The following RPS6KA1 variants were observed in gnomAD, a reference collection of about 807,000 sequenced individuals.
RPS6KA1 encodes the protein ribosomal protein S6 kinase alpha-1.
Under a neutral mutation model 91.3 loss-of-function variants are expected in RPS6KA1, and 48 were observed. That is an observed-to-expected ratio of 0.53 (90% CI 0.42 to 0.67). The LOEUF (loss-of-function observed/expected upper bound fraction) is 0.67, where lower values mean the gene tolerates loss of function less well. Ranked by LOEUF, RPS6KA1 falls within the 30% of genes least tolerant of loss-of-function variation. RPS6KA1 has a pLI of 0.00. For synonymous variants in RPS6KA1, 359 were observed against 384.7 expected (o/e 0.93, Z 0.78); for missense variants, 719 against 960.5 (o/e 0.75, Z 3.32).
intron 2 of RPS6KA1, chr1:26,543,057 GAGA>G (rs1299303965): frequency 8.0e-7 from 1 of 1,257,276 alleles, no homozygotes; most frequent in Admixed American, 2.1e-5. Flanking sequence ...AGGGGGAAGT[GAGA>G]AGGAGGGGGG....
Position 26,555,194 on chromosome 1 carries a change from G to A in RPS6KA1, c.800G>A (p.Arg267Gln), listed in dbSNP as rs2076089033. 5 of 1,614,018 alleles carry A rather than the reference G, an allele frequency of 3.1e-6. No homozygotes were observed. Among genetic ancestry groups the A allele is most frequent in the East Asian group, 2.2e-5 (1 of 44,896 alleles). The change falls in exon 10 of 22, where the codon CGG becomes CAG. Residue 267 changes from arginine (R) to glutamine (Q), a missense_variant. Arg to Gln is a conservative substitution (Grantham distance 43). Coordinates refer to ENST00000374168, the MANE Select transcript of RPS6KA1 (RefSeq NM_002953.4). This position sits in a 1 kb window ranked among gnomAD's most constrained non-coding sequence, Gnocchi z 4.3. The part of the protein sequence containing the change: ...TGSLPFQGKD[R>Q]KETMTLILKA... ...TCCCTGCCCTTCCAGGGGAAGGACC[G>A]GAAGGAGACCATGACACTGATTCTG... is the stretch of plus-strand genomic sequence containing the variant.
chr1:26,541,049 C>G (rs1394384325), intron 2 of RPS6KA1, among the ~76,000 whole-genome samples: 2 of 152,000 alleles, frequency 1.3e-5, no homozygotes, highest in African/African-American at 4.8e-5. Context: ...CTCGGTCTCC[C>G]AAAGTGCTGG....
intron 1 of RPS6KA1, among the ~76,000 whole-genome samples, chr1:26,531,761 G>T (rs1368302789): frequency 6.6e-6 from 1 of 152,186 alleles, no homozygotes; most frequent in Non-Finnish European, 1.5e-5. Context: ...TTCTCCAGTG[G>T]CAAGTGCTAG....
intron 2 of RPS6KA1, among the ~76,000 whole-genome samples, chr1:26,538,772 C>T (rs1361597335): frequency 1.3e-5 from 2 of 152,152 alleles, no homozygotes; most frequent in Non-Finnish European, 2.9e-5. Context: ...AGAGGAGGAG[C>T]ACTGGCTTTC....
chr1:26,542,065 G>GT (rs2075953313), intron 2 of RPS6KA1, among the ~76,000 whole-genome samples: 1 of 152,234 alleles, frequency 6.6e-6, no homozygotes, highest in Non-Finnish European at 1.5e-5. Flanking sequence ...TTCTGAGACT[G>GT]TTTCCTTCCT....
At chr1:26,560,904 C>A in intron 15 of RPS6KA1, 53 bp downstream of exon 15, 1 of 1,612,776 alleles carries the variant, frequency 6.2e-7, no homozygotes, top group Non-Finnish European at 8.5e-7. Context: ...GGGCAGGTCC[C>A]CGTCTGGTGG....
Position 26,551,304 on chromosome 1 carries a change from G to T in RPS6KA1, c.308-93G>T. 2 of 1,124,212 alleles carry T rather than the reference G, an allele frequency of 1.8e-6. No individual in the cohort carries two copies. The highest frequency in any genetic ancestry group is 2.7e-6 in the Non-Finnish European group (2 of 746,584). The allele number at this position is 1,124,212 out of a possible 1,614,324, so 69.6% of individuals were successfully genotyped here. A position where few individuals can be genotyped will look rare whatever the true frequency, so the allele number is the denominator to read the frequency against. On this transcript the variant is annotated intron_variant, in intron 4 of 21. Transcript: ENST00000374168. This position sits in a 1 kb window ranked among gnomAD's most constrained non-coding sequence, Gnocchi z 4.5. ...GGGGCTTTGGGAGCTCAGGCCTGGA[G>T]GAACAAGTGGAAAAGAGATCCCTTA... is the stretch of plus-strand genomic sequence containing the variant.
intron 14 of RPS6KA1, 92 bp downstream of exon 14, chr1:26,559,029 C>T (rs1210797757): frequency 6.8e-7 from 1 of 1,464,922 alleles, no homozygotes; most frequent in African/African-American, 1.4e-5. Flanking sequence ...AGGTTCATAC[C>T]CTCATGCCAC....
At chr1:26,573,989 C>G in intron 21 of RPS6KA1, 90 bp from the exon 22 acceptor site, 1 of 1,449,004 alleles carries the variant, frequency 6.9e-7, no homozygotes, top group Non-Finnish European at 9.4e-7. Flanking sequence ...CTGTGGAACA[C>G]TGAGAGGGGC....
In RPS6KA1 at chr1:26,530,018, C is replaced by T. The variant is rs2075856501; in HGVS notation, c.63+35C>T. ...CGGGGCGGGGGACGGGCGCCCGCGG[C>T]CGGCGAGCCCGGATCCTCACAGGGG... On this transcript the variant is annotated intron_variant, in intron 1 of 21. Coordinates refer to ENST00000374168, the MANE Select transcript of RPS6KA1 (RefSeq NM_002953.4). 4 of 1,293,030 alleles carry T rather than the reference C, an allele frequency of 3.1e-6. No homozygotes were observed. In the South Asian group the frequency reaches 8.1e-5, roughly 26 times the overall value. The allele number at this position is 1,293,030 out of a possible 1,614,324, so 80.1% of individuals were successfully genotyped here.
Position 26,546,879 on chromosome 1 carries a change from C to G in RPS6KA1, c.121C>G (p.Leu41Val). The G allele has an allele frequency of 4.3e-6, 7 of 1,614,058 alleles. No homozygotes were observed. The highest frequency in any genetic ancestry group is 5.9e-6 in the Non-Finnish European group (7 of 1,179,958). ...GLQPSKDEGV[L>V]KEISITHHVK... is the part of the protein sequence containing the mutation. Reference sequence around the variant, plus strand: ...GTCCCTCCATCAGGATGAGGGCGTCCTCAAGGAGATCTCCATCACGCACCA... The same window carrying G: ...GTCCCTCCATCAGGATGAGGGCGTCGTCAAGGAGATCTCCATCACGCACCA... Residue 41 changes from leucine (L) to valine (V), a missense_variant, in exon 3 of 22, where the codon CTC becomes GTC. By Grantham distance (32) the Leu-to-Val change is conservative. Coordinates refer to ENST00000374168, the MANE Select transcript of RPS6KA1 (RefSeq NM_002953.4).
chr1:26,549,690 C>CTTTTTTTTTTTTTTTTTTTTTTT (rs561375723), intron 4 of RPS6KA1, among the ~76,000 whole-genome samples: 3 of 101,916 alleles, frequency 2.9e-5, no homozygotes, highest in Non-Finnish European at 3.7e-5. Context: ...AAAGCCTGTT[C>CTTTTTTTTTTTTTTTTTTTTTTT]TTTTTTTTTT....
In RPS6KA1 at chr1:26,566,349, T is replaced by TCTCGGCTCACTGCAAC. The variant is rs768470880; in HGVS notation, c.1590+4690_1590+4705dup. On this transcript the variant is annotated intron_variant, in intron 17 of 21. Coordinates refer to ENST00000374168, the MANE Select transcript of RPS6KA1 (RefSeq NM_002953.4). ...CCCAGGCTGGAGTGCAGTGGTGCGATCTCGGCTCACTGCAACCTCTACCTC... is the reference window on the plus strand; with the variant it reads ...CCCAGGCTGGAGTGCAGTGGTGCGATCTCGGCTCACTGCAACCTCGGCTCACTGCAACCTCTACCTC... Among the ~76,000 whole-genome samples, 4 of 144,266 alleles carry TCTCGGCTCACTGCAAC rather than the reference T, an allele frequency of 2.8e-5. No homozygotes were observed. In the East Asian group the frequency reaches 6.9e-4, roughly 25 times the overall value. 94.6% of individuals were successfully genotyped at this position (144,266 alleles called of 152,430 possible).
chr1:26,543,263 A>G (rs1452451146), intron 2 of RPS6KA1: 1 of 1,426,162 alleles, frequency 7.0e-7, no homozygotes, highest in African/African-American at 1.4e-5. Context: ...GTCTGTCACC[A>G]TGACTGGGCA....
intron 2 of RPS6KA1, among the ~76,000 whole-genome samples, chr1:26,542,221 G>T (rs2075954360): frequency 6.6e-6 from 1 of 152,196 alleles, no homozygotes; most frequent in Non-Finnish European, 1.5e-5. Context: ...GGGTTGGTAG[G>T]GAGGGTGAGC....
Position 26,558,575 on chromosome 1 carries a change from T to G in RPS6KA1, c.1085-232T>G, listed in dbSNP as rs1175934710. 1.3e-5 allele frequency among the ~76,000 whole-genome samples: 2 copies of G among 152,120 alleles called. No individual in the cohort carries two copies. Among genetic ancestry groups the G allele is most frequent in the African/African-American group, 4.8e-5 (2 of 41,410 alleles). On this transcript the variant is annotated intron_variant, in intron 13 of 21. Transcript: ENST00000374168. This position sits in a 1 kb window ranked among gnomAD's most constrained non-coding sequence, Gnocchi z 4.0. ...AGGGATGAACTGTCTTGGCCTGGGATGGAGGTGGATGTGAGAGTCTTTTTT... is the reference window on the plus strand; with the variant it reads ...AGGGATGAACTGTCTTGGCCTGGGAGGGAGGTGGATGTGAGAGTCTTTTTT...
intron 2 of RPS6KA1, among the ~76,000 whole-genome samples, chr1:26,544,695 C>T (rs1204298762): frequency 1.3e-5 from 2 of 152,166 alleles, no homozygotes; most frequent in South Asian, 4.1e-4. Context: ...AGGATGGTCT[C>T]GATCTCCTAA....
rs2124648977 is a variant in RPS6KA1, at chr1:26,558,623, G to GCTGGT, written c.1085-181_1085-177dup. Among the ~76,000 whole-genome samples the GCTGGT allele has an allele frequency of 6.6e-6, 1 of 152,324 alleles. No homozygotes were observed. The highest frequency in any genetic ancestry group is 1.5e-5 in the Non-Finnish European group (1 of 68,020). On this transcript the variant is annotated intron_variant, in intron 13 of 21. Coordinates refer to ENST00000374168, the MANE Select transcript of RPS6KA1 (RefSeq NM_002953.4). The surrounding 1 kb of genome is among the most constrained non-coding windows in gnomAD (Gnocchi z 4.0). ...TTTGTTCCTCATGCGACAGGACTGG[G>GCTGGT]CTGGTCTAATAAACACATATGAGCA...
intron 4 of RPS6KA1, among the ~76,000 whole-genome samples, chr1:26,549,157 G>A (rs1425468243): frequency 6.6e-6 from 1 of 150,766 alleles, no homozygotes; most frequent in Non-Finnish European, 1.5e-5. Context: ...TATGAGGCTG[G>A]AGAGGAAACT....
Sources: allele counts gnomAD v4.1 joint callset (sites outside exome capture counted in the v4.1 genomes callset), GRCh38; gene constraint gnomAD v4.1.1; non-coding constraint Gnocchi (gnomAD v3.1); transcripts MANE v1.5; gene names NCBI Gene and HGNC (gene_info 2026-07-23, HGNC 2026-07-21).